Variants in GATAD2A observed in about 807,000 individuals in gnomAD.
The protein encoded by GATAD2A is transcriptional repressor p66-alpha.
GATAD2A carries 12 observed loss-of-function variants against 68.5 expected under a neutral mutation model. The ratio of observed to expected loss-of-function variants is 0.18; its 90% confidence interval spans 0.11 to 0.28. The LOEUF (loss-of-function observed/expected upper bound fraction) is 0.28, where lower values mean the gene tolerates loss of function less well. Among genes scored for constraint, GATAD2A ranks in the 10% least tolerant of loss-of-function variants. GATAD2A has a pLI of 1.00. For missense variants in GATAD2A, 755 were observed against 868.5 expected, an observed-to-expected ratio of 0.87 and a Z score of 1.64; for synonymous variants, 410 against 375.3, an observed-to-expected ratio of 1.09 and a Z score of -1.07.
In GATAD2A at chr19:19,501,568, G is replaced by C; in HGVS notation, c.1503+152G>C. ...TGGGCGGCAAAAACACTAATTTGCA[G>C]TTTCTTTAGACTTTGTAGCTCTCAC... On this transcript the variant is annotated intron_variant, in intron 9 of 11. Coordinates refer to ENST00000683918, the MANE Select transcript of GATAD2A (RefSeq NM_001384528.1). 4 of 659,802 alleles carry C rather than the reference G, an allele frequency of 6.1e-6. No homozygotes were observed. The South Asian group carries it at 7.8e-5, about 13-fold the overall frequency. The allele number at this position is 659,802 out of a possible 1,614,324, so 40.9% of individuals were successfully genotyped here. A position where few individuals can be genotyped will look rare whatever the true frequency, so the allele number is the denominator to read the frequency against.
intron 11 of GATAD2A, among the ~76,000 whole-genome samples, chr19:19,504,640 C>CTTTTTT (rs36052091): frequency 2.9e-5 from 4 of 137,160 alleles, no homozygotes; most frequent in Admixed American, 1.5e-4. Context: ...TTTTTTTTTC[C>CTTTTTT]TTTTTTTTTT....
At chr19:19,500,131 C>T (rs2148478831) in intron 8 of GATAD2A, among the ~76,000 whole-genome samples, 2 of 152,368 alleles carry the variant, frequency 1.3e-5, no homozygotes, top group South Asian at 4.1e-4. Context: ...GATAGGACCT[C>T]ACTGTGGGAG....
chr19:19,419,266 G>T (rs1224031175), intron 1 of GATAD2A, among the ~76,000 whole-genome samples: 1 of 152,172 alleles, frequency 6.6e-6, no homozygotes, highest in Non-Finnish European at 1.5e-5. Context: ...GATGAGAATT[G>T]GTCCTAGTTT....
intron 1 of GATAD2A, among the ~76,000 whole-genome samples, chr19:19,411,063 GTCACTGTCTGCATGCCCCCTTTGGAGCCA>G: frequency 6.6e-6 from 1 of 152,338 alleles, no homozygotes; most frequent in South Asian, 2.1e-4. Context: ...ATGGCAAACT[GTCACTGTCTGCATGCCCCCTTTGGAGCCA>G]CACTGGGGCG....
intron 2 of GATAD2A, among the ~76,000 whole-genome samples, chr19:19,489,284 G>A (rs988226631): frequency 6.6e-6 from 1 of 152,222 alleles, no homozygotes; most frequent in Non-Finnish European, 1.5e-5. Context: ...CCTGGGGTGA[G>A]CCTGGCGCCT....
At chr19:19,419,732 T>G (rs1412139168) in intron 1 of GATAD2A, among the ~76,000 whole-genome samples, 1 of 152,022 alleles carries the variant, frequency 6.6e-6, no homozygotes, top group Non-Finnish European at 1.5e-5. Context: ...GCCAGGCTGG[T>G]CTTGAACTCC....
At chr19:19,391,274 A>G (rs1298992438) in intron 1 of GATAD2A, among the ~76,000 whole-genome samples, 2 of 152,138 alleles carry the variant, frequency 1.3e-5, no homozygotes, top group African/African-American at 4.8e-5. Flanking sequence ...TGTTTGAAGA[A>G]AGGGTTGTGG....
At chr19:19,454,161 C>G (rs889884512) in intron 1 of GATAD2A, among the ~76,000 whole-genome samples, 2 of 150,850 alleles carry the variant, frequency 1.3e-5, no homozygotes, top group African/African-American at 2.5e-5. Context: ...CCACGCCTGG[C>G]TAACTTTGTA....
chr19:19,434,771 TC>T (rs1440724998), intron 1 of GATAD2A, among the ~76,000 whole-genome samples: 1 of 152,134 alleles, frequency 6.6e-6, no homozygotes, highest in Non-Finnish European at 1.5e-5. Context: ...GAAGAGAAGT[TC>T]CTGAATATTG....
At chr19:19,456,915 C>CT (rs2056988153) in intron 1 of GATAD2A, among the ~76,000 whole-genome samples, 1 of 152,162 alleles carries the variant, frequency 6.6e-6, no homozygotes, top group Admixed American at 6.5e-5. Flanking sequence ...GAGTATTTAC[C>CT]TTACAGGTGG....
intron 2 of GATAD2A, among the ~76,000 whole-genome samples, chr19:19,470,888 A>G (rs930020160): frequency 2.0e-5 from 3 of 152,212 alleles, no homozygotes; most frequent in African/African-American, 7.2e-5. Flanking sequence ...TGACTTAGCA[A>G]TTTATCCAAG....
In GATAD2A at chr19:19,492,276, G is replaced by T. The variant is rs776422900; in HGVS notation, c.270-30G>T. The T allele has an allele frequency of 8.2e-6, 13 of 1,585,852 alleles. No homozygotes were observed. The African/African-American group carries it at 1.6e-4, about 20-fold the overall frequency. ...GGCACTGGGTCCAGCTGTCAAGGGC[G>T]CTCTGGTCACTACTGTCTCCACCCC... On this transcript the variant is annotated intron_variant, in intron 2 of 11. Transcript: ENST00000683918.
At chr19:19,468,620 G>A (rs1461367737) in intron 2 of GATAD2A, among the ~76,000 whole-genome samples, 1 of 152,170 alleles carries the variant, frequency 6.6e-6, no homozygotes, top group Non-Finnish European at 1.5e-5. Flanking sequence ...GCTGACTTCT[G>A]ACTCGAGACA....
intron 1 of GATAD2A, among the ~76,000 whole-genome samples, chr19:19,415,402 G>A (rs1376072966): frequency 6.6e-6 from 1 of 150,924 alleles, no homozygotes; most frequent in East Asian, 2.0e-4. Context: ...TGATCTGCCC[G>A]CTTTGGCCTC....
chr19:19,430,675 G>A (rs995199165), intron 1 of GATAD2A, among the ~76,000 whole-genome samples: 10 of 152,132 alleles, frequency 6.6e-5, no homozygotes, highest in African/African-American at 1.4e-4. Context: ...CCATGCTTCC[G>A]GATCAGGTGC....
intron 1 of GATAD2A, among the ~76,000 whole-genome samples, chr19:19,452,439 C>T (rs755608881): frequency 4.6e-5 from 7 of 152,068 alleles, no homozygotes; most frequent in African/African-American, 1.4e-4. Flanking sequence ...GTGTTAGTTC[C>T]GTCTCCTGTT....
rs1166786079 is a variant in GATAD2A, at chr19:19,501,433, G to A, written c.1503+17G>A. ...CTGAAGCAGGTGAGCCTGGCCTGCT[G>A]CCGGCAGTGCCGTCCCTAGGAGGCA... On this transcript the variant is annotated intron_variant, in intron 9 of 11. Transcript: ENST00000683918. 1 of 1,557,920 alleles carries A rather than the reference G, an allele frequency of 6.4e-7. No individual in the cohort carries two copies. Among genetic ancestry groups the A allele is most frequent in the Non-Finnish European group, 8.7e-7 (1 of 1,150,946 alleles).
At chr19:19,492,142 A>G (rs2059836778) in intron 2 of GATAD2A, among the ~76,000 whole-genome samples, 164 bp from the exon 3 acceptor site, 7 of 152,166 alleles carry the variant, frequency 4.6e-5, no homozygotes, top group Admixed American at 4.6e-4. Context: ...GGGTAAGAAG[A>G]AGGAGGCAGC....
chr19:19,469,453 A>T (rs1199477162), intron 2 of GATAD2A, among the ~76,000 whole-genome samples: 1 of 151,880 alleles, frequency 6.6e-6, no homozygotes, highest in Non-Finnish European at 1.5e-5. Flanking sequence ...AAAAAAGATC[A>T]TCAGAATTAA....
Sources: allele counts gnomAD v4.1 joint callset (sites outside exome capture counted in the v4.1 genomes callset), GRCh38; gene constraint gnomAD v4.1.1; transcripts MANE v1.5; gene names NCBI Gene and HGNC (gene_info 2026-07-23, HGNC 2026-07-21).